Variants in PID1 observed in about 807,000 individuals in gnomAD.
PID1 encodes PTB-containing, cubilin and LRP1-interacting protein.
Under a neutral mutation model 19.1 loss-of-function variants are expected in PID1, and 10 were observed. That is an observed-to-expected ratio of 0.52 (90% CI 0.32 to 0.89). PID1 has a LOEUF of 0.89. Among genes scored for constraint, PID1 ranks in the 40% least tolerant of loss-of-function variants. PID1 has a pLI of 0.03. For missense variants in PID1, 248 were observed against 285.3 expected, an observed-to-expected ratio of 0.87 and a Z score of 0.94; for synonymous variants, 130 against 116.0, an observed-to-expected ratio of 1.12 and a Z score of -0.78.
intron 1 of PID1, among the ~76,000 whole-genome samples, chr2:229,186,182 A>G (rs555575694): frequency 6.6e-6 from 1 of 152,310 alleles, no homozygotes; most frequent in African/African-American, 2.4e-5. Context: ...GCAAAAGGTG[A>G]GTTCCTATGG....
intron 2 of PID1, among the ~76,000 whole-genome samples, chr2:229,106,826 T>C (rs1168767687): frequency 6.6e-6 from 1 of 152,182 alleles, no homozygotes; most frequent in African/African-American, 2.4e-5. Context: ...CCATTATGGA[T>C]TCAAGGAACT....
At chr2:229,259,555 T>C (rs1690403873) in intron 1 of PID1, among the ~76,000 whole-genome samples, 1 of 152,172 alleles carries the variant, frequency 6.6e-6, no homozygotes, top group Non-Finnish European at 1.5e-5. Flanking sequence ...TAACTTTAGG[T>C]TTTATATTTA....
intron 2 of PID1, among the ~76,000 whole-genome samples, chr2:229,041,416 A>G (rs556826752): frequency 1.2e-4 from 18 of 152,340 alleles, no homozygotes; most frequent in African/African-American, 3.6e-4. Context: ...ATGAATCAAT[A>G]TTGATATAAA....
At chr2:229,214,761 T>C (rs1049909132) in intron 1 of PID1, among the ~76,000 whole-genome samples, 6 of 152,152 alleles carry the variant, frequency 3.9e-5, no homozygotes, top group Admixed American at 2.6e-4. Flanking sequence ...TTGATTTGTT[T>C]TATTTTGCTT....
At chr2:229,240,076 A>G (rs955566203) in intron 1 of PID1, among the ~76,000 whole-genome samples, 1 of 152,174 alleles carries the variant, frequency 6.6e-6, no homozygotes, top group Non-Finnish European at 1.5e-5. Context: ...CAACTCTGAA[A>G]GTGTTATTAG....
chr2:229,057,494 A>G (rs1694129263), intron 2 of PID1, among the ~76,000 whole-genome samples: 1 of 151,870 alleles, frequency 6.6e-6, no homozygotes, highest in African/African-American at 2.4e-5. Context: ...TCTTTCTGCA[A>G]CTCCAAAGAA....
chr2:229,198,856 T>G (rs936178772), intron 1 of PID1, among the ~76,000 whole-genome samples: 1 of 152,094 alleles, frequency 6.6e-6, no homozygotes, highest in Non-Finnish European at 1.5e-5. Flanking sequence ...CATCCACTCT[T>G]GTTGACTACA....
At chr2:229,143,959 T>G (rs924879640) in intron 2 of PID1, among the ~76,000 whole-genome samples, 1 of 152,050 alleles carries the variant, frequency 6.6e-6, no homozygotes, top group Non-Finnish European at 1.5e-5. Context: ...AATGGACTAA[T>G]ACAGGGGGGA....
At chr2:229,053,255 C>T (rs1043544397) in intron 2 of PID1, among the ~76,000 whole-genome samples, 4 of 151,510 alleles carry the variant, frequency 2.6e-5, no homozygotes, top group African/African-American at 4.9e-5. Context: ...TTGAGTTTCT[C>T]GATTAGAGAA....
intron 2 of PID1, among the ~76,000 whole-genome samples, chr2:229,124,027 T>G (rs2106160865): frequency 6.6e-6 from 1 of 152,310 alleles, no homozygotes; most frequent in Admixed American, 6.5e-5. Flanking sequence ...GTCAGAGCAC[T>G]GTTAGGTTCT....
chr2:229,064,956 C>T (rs1694291470), intron 2 of PID1, among the ~76,000 whole-genome samples: 1 of 152,052 alleles, frequency 6.6e-6, no homozygotes, highest in Admixed American at 6.6e-5. Context: ...CAGATGGTGG[C>T]TATGAAAACT....
intron 1 of PID1, among the ~76,000 whole-genome samples, chr2:229,194,475 AGAT>A (rs1691329217): frequency 6.6e-6 from 1 of 152,150 alleles, no homozygotes; most frequent in South Asian, 2.1e-4. Context: ...ATAGCACATA[AGAT>A]GATATTACCT....
At chr2:229,077,635 A>G (rs1694586241) in intron 2 of PID1, among the ~76,000 whole-genome samples, 1 of 152,328 alleles carries the variant, frequency 6.6e-6, no homozygotes, top group South Asian at 2.1e-4. Context: ...CATGTATTAA[A>G]TAGGTAATCC....
At chr2:229,262,293 G>A (rs1690479772) in intron 1 of PID1, among the ~76,000 whole-genome samples, 1 of 152,138 alleles carries the variant, frequency 6.6e-6, no homozygotes, top group African/African-American at 2.4e-5. Flanking sequence ...ACCATCTTCA[G>A]GCCTGAAGCT....
intron 2 of PID1, among the ~76,000 whole-genome samples, chr2:229,040,449 C>T (rs1464077418): frequency 6.6e-6 from 1 of 151,928 alleles, no homozygotes; most frequent in Non-Finnish European, 1.5e-5. Context: ...AACTGATTAC[C>T]AACATGCAGT....
chr2:229,075,853 C>T (rs1694546914), intron 2 of PID1, among the ~76,000 whole-genome samples: 1 of 152,206 alleles, frequency 6.6e-6, no homozygotes, highest in Non-Finnish European at 1.5e-5. Flanking sequence ...TTGCTGTGTT[C>T]CAATACCACT....
intron 1 of PID1, among the ~76,000 whole-genome samples, chr2:229,257,920 T>C (rs910163986): frequency 3.7e-4 from 56 of 152,174 alleles, no homozygotes; most frequent in Non-Finnish European, 1.0e-4. Flanking sequence ...ATCCACAAAC[T>C]AGAATCAAGA....
At position 229,157,476 on chromosome 2, in the gene PID1, C is replaced by T. The variant is rs539368021; in HGVS notation, c.31-1512G>A. Among the ~76,000 whole-genome samples the T allele has an allele frequency of 7.3e-5, 11 of 151,628 alleles. No homozygotes were observed. In the South Asian group the frequency reaches 1.9e-3, roughly 26 times the overall value. Reference sequence around the variant, plus strand: ...AATAATGTTATTTTGAACTTGTATTCTGTAAGGAAAGTCTGATGGGACAGT... The same window carrying T: ...AATAATGTTATTTTGAACTTGTATTTTGTAAGGAAAGTCTGATGGGACAGT... On this transcript the variant is annotated intron_variant, in intron 1 of 2. Coordinates refer to ENST00000392055, the MANE Select transcript of PID1 (RefSeq NM_001100818.2).
At chr2:229,035,722 C>A (rs970875378) in intron 2 of PID1, among the ~76,000 whole-genome samples, 4 of 152,182 alleles carry the variant, frequency 2.6e-5, no homozygotes, top group African/African-American at 9.7e-5. Flanking sequence ...AGGATTCAGA[C>A]ACCTTAGTTT....
Sources: allele counts gnomAD v4.1 joint callset (sites outside exome capture counted in the v4.1 genomes callset), GRCh38; gene constraint gnomAD v4.1.1; transcripts MANE v1.5; gene names NCBI Gene and HGNC (gene_info 2026-07-23, HGNC 2026-07-21).